NUCB2: variants seen among roughly 807,000 people sequenced by gnomAD.
NUCB2 encodes nucleobindin 2.
In NUCB2, 48 loss-of-function variants were observed where a neutral mutation model predicts 57.9. The ratio of observed to expected loss-of-function variants is 0.83; its 90% CI spans 0.66 to 1.05. The LOEUF is 1.05. Ranked by LOEUF, NUCB2 falls within the 50% of genes least tolerant of loss-of-function variation. The pLI, the probability that NUCB2 is intolerant of heterozygous loss-of-function variation, is 0.00. For synonymous variants in NUCB2, 139 were observed against 152.1 expected (o/e 0.91, Z 0.64); for missense variants, 442 against 476.2 (o/e 0.93, Z 0.67).
intron 4 of NUCB2, among the ~76,000 whole-genome samples, chr11:17,298,831 T>C (rs1356090853): frequency 6.6e-6 from 1 of 152,056 alleles, no homozygotes; most frequent in Non-Finnish European, 1.5e-5. Flanking sequence ...CCCAAGTAGC[T>C]GGGATTACAG....
chr11:17,315,466 T>G lies in NUCB2; in HGVS notation c.993T>G (p.Asp331Glu), dbSNP rs1271378059. The change falls in exon 11 of 14, where the codon GAT (aspartate) becomes GAG (glutamate). Residue 331 changes from aspartate (D) to glutamate (E), a missense_variant. Coordinates refer to ENST00000529010, the MANE Select transcript of NUCB2 (RefSeq NM_005013.4). ...AAAAAAAAGAATTCTTGGAGCCAGA[T>G]AGCTGGGAGGTAATAGAACCTACTC... Reference protein sequence around the residue: ...ATEKKEFLEPDSWETLDQQQF... With the variant: ...ATEKKEFLEPESWETLDQQQF... 1 of 1,603,608 alleles carries G rather than the reference T, an allele frequency of 6.2e-7. No individual in the cohort carries two copies. Among genetic ancestry groups the G allele is most frequent in the South Asian group, 1.1e-5 (1 of 90,676 alleles).
intron 2 of NUCB2, among the ~76,000 whole-genome samples, chr11:17,340,855 G>T (rs1015617103): frequency 3.9e-5 from 6 of 152,132 alleles, no homozygotes; most frequent in South Asian, 2.1e-4. Context: ...CCAATTCTGT[G>T]AAGAAAGGCA....
chr11:17,331,333 A>G (rs921831351), intron 13 of NUCB2, 79 bp from the exon 14 acceptor site: 8 of 761,492 alleles, frequency 1.1e-5, no homozygotes, highest in Middle Eastern at 3.7e-4. Context: ...TTTTAAAACA[A>G]GTATATTTGT....
chr11:17,309,414 C>T (rs936265750), intron 5 of NUCB2, among the ~76,000 whole-genome samples, 158 bp from the exon 6 acceptor site: 17 of 152,092 alleles, frequency 1.1e-4, no homozygotes, highest in South Asian at 2.1e-4. Flanking sequence ...GAATAACATA[C>T]GCAGTATTCA....
chr11:17,324,431 A>G (rs533906215), intron 11 of NUCB2, among the ~76,000 whole-genome samples: 2 of 151,722 alleles, frequency 1.3e-5, no homozygotes, highest in South Asian at 4.2e-4. Flanking sequence ...TATTATTTCT[A>G]TTTTTTGAAT....
rs1951240575 is a variant in NUCB2, at chr11:17,330,359, T to G, written c.1173+62T>G. On this transcript the variant is annotated intron_variant, in intron 12 of 13. Transcript: ENST00000529010. This position sits in a 1 kb window ranked among gnomAD's most constrained non-coding sequence, Gnocchi z 4.3. ...TTTTAGGTGCTTTGTTAAAAGCCTG[T>G]GTTTTTGTAACATATTTCATTGTAC... 2.3e-6 allele frequency: 3 copies of G among 1,301,060 alleles called. No individual in the cohort carries two copies. The African/African-American group carries it at 4.4e-5, about 19-fold the overall frequency. The allele number at this position is 1,301,060 out of a possible 1,614,324, so 80.6% of individuals were successfully genotyped here.
At chr11:17,334,822 G>T (rs1219477215), downstream of NUCB2, among the ~76,000 whole-genome samples, 4 of 150,622 alleles carry the variant, frequency 2.7e-5, no homozygotes, top group African/African-American at 9.8e-5. Context: ...GGAGGTGGAG[G>T]TTGCAGTGAG....
intron 2 of NUCB2, among the ~76,000 whole-genome samples, chr11:17,343,590 A>G (rs567454109): frequency 6.6e-6 from 1 of 151,858 alleles, no homozygotes; most frequent in Non-Finnish European, 1.5e-5. Context: ...GAGTTGTTTT[A>G]CTTTTGAATT....
At chr11:17,305,390 G>T (rs1301396955) in intron 5 of NUCB2, among the ~76,000 whole-genome samples, 1 of 151,778 alleles carries the variant, frequency 6.6e-6, no homozygotes, top group African/African-American at 2.4e-5. Flanking sequence ...GAACAATAAA[G>T]GACTAGATAT....
chr11:17,331,905 A>G lies in NUCB2; in HGVS notation c.*486A>G, dbSNP rs1323562187. 6.6e-6 allele frequency: 1 copy of G among 152,436 alleles called. No homozygotes were observed. The highest frequency in any genetic ancestry group is 2.4e-5 in the African/African-American group (1 of 41,468). The allele number at this position is 152,436 out of a possible 1,614,324, so 9.4% of individuals were successfully genotyped here. A position where few individuals can be genotyped will look rare whatever the true frequency, so the allele number is the denominator to read the frequency against. On this transcript the variant is annotated 3_prime_UTR_variant, in exon 14 of 14. Transcript: ENST00000529010. ...CAGTATTTCCCTGTGTTTCCTGGTA[A>G]CGTTTTTCTAGTTTTGGCAACCTCA...
At chr11:17,284,029 AC>A (rs1943183800) in intron 2 of NUCB2, among the ~76,000 whole-genome samples, 1 of 151,876 alleles carries the variant, frequency 6.6e-6, no homozygotes, top group East Asian at 1.9e-4. Flanking sequence ...TTCCTTCCAG[AC>A]TTTTATTTTT....
chr11:17,301,212 A>G (rs1302691667), intron 4 of NUCB2, among the ~76,000 whole-genome samples: 1 of 146,616 alleles, frequency 6.8e-6, no homozygotes, highest in Non-Finnish European at 1.5e-5. Context: ...ACCTCAAGTG[A>G]TCTGCCCGCC....
intron 2 of NUCB2, among the ~76,000 whole-genome samples, chr11:17,289,937 A>G (rs1333587774): frequency 6.6e-6 from 1 of 152,072 alleles, no homozygotes; most frequent in Non-Finnish European, 1.5e-5. Context: ...ACAAATTGAC[A>G]TTTGCATGAG....
downstream of NUCB2, among the ~76,000 whole-genome samples, chr11:17,336,646 C>T (rs907349886): frequency 6.1e-5 from 9 of 148,258 alleles, no homozygotes; most frequent in African/African-American, 1.2e-4. Context: ...CCCAGCTACT[C>T]GGGAGGCTGG....
intron 1 of NUCB2, among the ~76,000 whole-genome samples, chr11:17,282,252 ATATATATT>A (rs1272558792): frequency 1.6e-4 from 15 of 95,420 alleles, no homozygotes; most frequent in Middle Eastern, 4.6e-3. Context: ...ATATATATAT[ATATATATT>A]TTTTTTTTTT....
intron 1 of NUCB2, among the ~76,000 whole-genome samples, chr11:17,278,196 G>C (rs11601108): frequency 0.19 from 19,382 of 102,214 alleles, 1,743 homozygotes; most frequent in Middle Eastern, 0.43. Context: ...TTTTTTTTGA[G>C]ATGGAGTCTC....
At chr11:17,315,813 C>G (rs1949157160) in intron 11 of NUCB2, among the ~76,000 whole-genome samples, 1 of 151,990 alleles carries the variant, frequency 6.6e-6, no homozygotes, top group African/African-American at 2.4e-5. Flanking sequence ...GAGGTAGATT[C>G]TTGAGTTATG....
chr11:17,311,805 C>A, intron 8 of NUCB2, 67 bp from the exon 9 acceptor site: 1 of 1,063,414 alleles, frequency 9.4e-7, no homozygotes, highest in Non-Finnish European at 1.4e-6. Flanking sequence ...CTTTATAAAT[C>A]ATTGTATTTT....
chr11:17,347,042 C>T (rs1173492537), intron 2 of NUCB2, among the ~76,000 whole-genome samples: 2 of 152,306 alleles, frequency 1.3e-5, no homozygotes, highest in South Asian at 2.1e-4. Context: ...AAAGTCCTGA[C>T]GACATGTGCC....
Sources: gnomAD v4.1 joint callset for allele counts (sites outside exome capture counted in the v4.1 genomes callset) on GRCh38, gnomAD v4.1.1 for gene constraint, Gnocchi (gnomAD v3.1) non-coding constraint, MANE v1.5 for transcripts, NCBI Gene and HGNC (gene_info 2026-07-23, HGNC 2026-07-21) for gene names.